The following DAB1 variants were observed in gnomAD, a reference collection of about 807,000 sequenced individuals.
DAB1 encodes the protein disabled homolog 1.
Under a neutral mutation model 64.6 loss-of-function variants are expected in DAB1, and 15 were observed. That is an observed-to-expected ratio of 0.23 (90% CI 0.16 to 0.36). DAB1 has a LOEUF of 0.36. Among genes scored for constraint, DAB1 ranks in the 10% least tolerant of loss-of-function variants. DAB1 has a pLI of 1.00. For missense variants in DAB1, 596 were observed against 706.7 expected (o/e 0.84, Z 1.78); for synonymous variants, 235 against 251.9 (o/e 0.93, Z 0.64).
chr1:58,462,212 C>T (rs1375233906), intron 3 of DAB1, among the ~76,000 whole-genome samples: 1 of 151,248 alleles, frequency 6.6e-6, no homozygotes, highest in Non-Finnish European at 1.5e-5. Context: ...CTGCAAGCTC[C>T]GCTTCCCGGG....
intron 7 of DAB1, among the ~76,000 whole-genome samples, chr1:57,594,348 C>T (rs1250361874): frequency 1.3e-5 from 2 of 152,144 alleles, no homozygotes; most frequent in Non-Finnish European, 2.9e-5. Flanking sequence ...GGATTTGAGA[C>T]GTGACACGCA....
At chr1:58,054,268 A>T (rs2100535289) in intron 5 of DAB1, among the ~76,000 whole-genome samples, 1 of 152,306 alleles carries the variant, frequency 6.6e-6, no homozygotes, top group South Asian at 2.1e-4. Flanking sequence ...TAACTCCTAT[A>T]TCTACAATTT....
At chr1:57,198,649 T>TCACACACACA (rs57872654) in intron 2 of DAB1, among the ~76,000 whole-genome samples, 59 of 128,330 alleles carry the variant, frequency 4.6e-4, no homozygotes, top group Middle Eastern at 4.5e-3. Context: ...CTTCTCTCTC[T>TCACACACACA]CACACACACA....
At chr1:58,150,866 T>C (rs12025945) in intron 4 of DAB1, among the ~76,000 whole-genome samples, 32,775 of 151,610 alleles carry the variant, frequency 0.22, 3,854 homozygotes, top group East Asian at 0.44. Context: ...CGACAAGCCC[T>C]GGTGTGTGAT....
At chr1:57,779,039 C>A (rs1184789137) in intron 6 of DAB1, among the ~76,000 whole-genome samples, 1 of 151,964 alleles carries the variant, frequency 6.6e-6, no homozygotes, top group Non-Finnish European at 1.5e-5. Context: ...CTCGAGTCTA[C>A]CTTCTAGTAA....
At chr1:58,056,129 C>G in intron 5 of DAB1, 1 of 1,232,036 alleles carries the variant, frequency 8.1e-7, no homozygotes, top group South Asian at 1.2e-5. Context: ...AAGAACTCAG[C>G]TCCTTACATG....
intron 5 of DAB1, among the ~76,000 whole-genome samples, chr1:58,031,583 G>A (rs1646970528): frequency 6.6e-6 from 1 of 152,124 alleles, no homozygotes; most frequent in East Asian, 1.9e-4. Context: ...GAGATGCTAA[G>A]GACCAACTAT....
In DAB1 at chr1:57,381,204, T is replaced by C. The variant is rs537730008; in HGVS notation, c.-137+42726A>G. On this transcript the variant is annotated intron_variant, in intron 1 of 14. Coordinates refer to ENST00000371236, the MANE Select transcript of DAB1 (RefSeq NM_001365792.1). ...CAAAGCATCTTCACATGGTTGGTTTTATAACTTAAGAAAGACTGCTCTGAT... is the reference window on the plus strand; with the variant it reads ...CAAAGCATCTTCACATGGTTGGTTTCATAACTTAAGAAAGACTGCTCTGAT... 9.8e-5 allele frequency among the ~76,000 whole-genome samples: 15 copies of C among 152,296 alleles called. No individual in the cohort carries two copies. In the East Asian group the frequency reaches 2.1e-3, roughly 22 times the overall value.
intron 5 of DAB1, among the ~76,000 whole-genome samples, chr1:58,031,287 C>T (rs913410855): frequency 6.6e-6 from 1 of 151,986 alleles, no homozygotes; most frequent in Admixed American, 6.6e-5. Flanking sequence ...GCATTGGGAC[C>T]GGGTTATGTG....
At chr1:57,575,290 TTAA>T (rs1645237197) in intron 7 of DAB1, among the ~76,000 whole-genome samples, 1 of 152,254 alleles carries the variant, frequency 6.6e-6, no homozygotes, top group Admixed American at 6.5e-5. Flanking sequence ...TTGAATAGTG[TTAA>T]TAGTACCTTT....
chr1:57,534,615 G>C (rs146834895), intron 7 of DAB1, among the ~76,000 whole-genome samples: 1 of 152,262 alleles, frequency 6.6e-6, no homozygotes, highest in Non-Finnish European at 1.5e-5. Flanking sequence ...TATTTTCCTT[G>C]TGTTTTGCCT....
At chr1:58,184,560 T>C (rs926679866) in intron 4 of DAB1, among the ~76,000 whole-genome samples, 1 of 152,114 alleles carries the variant, frequency 6.6e-6, no homozygotes, top group South Asian at 2.1e-4. Context: ...AAAAGCTACT[T>C]AGTACAAACC....
chr1:58,350,540 A>G (rs1265073221), intron 3 of DAB1, among the ~76,000 whole-genome samples: 1 of 152,052 alleles, frequency 6.6e-6, no homozygotes. Flanking sequence ...GCCCATGTCT[A>G]TGTTCTGAAT....
intron 1 of DAB1, among the ~76,000 whole-genome samples, chr1:58,544,507 A>AT (rs576682477): frequency 8.4e-4 from 128 of 152,342 alleles, no homozygotes; most frequent in African/African-American, 3.0e-3. Flanking sequence ...TTCACCTTAT[A>AT]TATTTCTGTG....
chr1:58,109,175 T>C (rs1014341445), intron 5 of DAB1, among the ~76,000 whole-genome samples: 3 of 152,290 alleles, frequency 2.0e-5, no homozygotes, highest in East Asian at 1.9e-4. Flanking sequence ...AGAATTCTCT[T>C]TGAAGAAAGG....
intron 7 of DAB1, among the ~76,000 whole-genome samples, chr1:57,625,103 G>A (rs994103916): frequency 2.0e-5 from 3 of 152,144 alleles, no homozygotes; most frequent in Admixed American, 6.5e-5. Context: ...TTGAGAAGGC[G>A]AGTTTAAAAT....
At chr1:57,464,455 C>G (rs1420996179) in intron 7 of DAB1, among the ~76,000 whole-genome samples, 1 of 152,128 alleles carries the variant, frequency 6.6e-6, no homozygotes, top group African/African-American at 2.4e-5. Flanking sequence ...ATGTACTTCA[C>G]AATCTTGGTT....
chr1:57,575,237 G>A (rs1378395247), intron 7 of DAB1, among the ~76,000 whole-genome samples: 1 of 152,180 alleles, frequency 6.6e-6, no homozygotes, highest in African/African-American at 2.4e-5. Context: ...AAACAAAAAT[G>A]TAAATGATGC....
intron 1 of DAB1, among the ~76,000 whole-genome samples, chr1:57,882,323 C>A (rs548086478): frequency 1.3e-5 from 2 of 152,142 alleles, no homozygotes; most frequent in Non-Finnish European, 2.9e-5. Context: ...GGGCACAGGG[C>A]AGACCAATGA....
Sources: allele counts gnomAD v4.1 joint callset (sites outside exome capture counted in the v4.1 genomes callset), GRCh38; gene constraint gnomAD v4.1.1; transcripts MANE v1.5; gene names NCBI Gene and HGNC (gene_info 2026-07-23, HGNC 2026-07-21).